The following MDN1 variants were observed in gnomAD, a reference collection of about 807,000 sequenced individuals.
MDN1 encodes the protein midasin AAA ATPase 1, also known as midasin.
In MDN1, 266 loss-of-function variants were observed where a neutral mutation model predicts 669.2. The ratio of observed to expected loss-of-function variants is 0.40; its 90% CI spans 0.36 to 0.44. The LOEUF is 0.44. MDN1 is among the 20% of genes least tolerant of loss of function. The probability of loss-of-function intolerance (pLI) is 1.00; values close to 1 mark genes in which losing one functional copy is unlikely to be tolerated. For synonymous variants in MDN1, 2,385 were observed against 2,457.1 expected (o/e 0.97, Z 0.87); for missense variants, 5,940 against 6,754.0 (o/e 0.88, Z 4.22).
chr6:89,777,959 C>T (rs564338409), intron 11 of MDN1, among the ~76,000 whole-genome samples: 2 of 152,216 alleles, frequency 1.3e-5, no homozygotes, highest in African/African-American at 4.8e-5. Flanking sequence ...TCATTAAGCT[C>T]TCTTGAAGAC....
At chr6:89,686,805 T>C in intron 69 of MDN1, 97 bp downstream of exon 69, 5 of 1,486,166 alleles carry the variant, frequency 3.4e-6, no homozygotes, top group Non-Finnish European at 4.6e-6. Flanking sequence ...GAAAGCCATG[T>C]AGCGGGAGAA....
chr6:89,675,371 G>T, intron 78 of MDN1, 93 bp downstream of exon 78: 1 of 1,027,402 alleles, frequency 9.7e-7, no homozygotes, highest in Non-Finnish European at 1.4e-6. Flanking sequence ...TTGAGAGCAT[G>T]TCTTATTCCT....
chr6:89,737,390 CT>C (rs759195977), intron 33 of MDN1, among the ~76,000 whole-genome samples: 5 of 151,868 alleles, frequency 3.3e-5, no homozygotes, highest in African/African-American at 9.7e-5. Flanking sequence ...AAGCAGATAT[CT>C]TTTTTTTATA....
chr6:89,700,518 A>G (rs1257325663), intron 56 of MDN1, 128 bp downstream of exon 56: 2 of 852,974 alleles, frequency 2.3e-6, no homozygotes, highest in East Asian at 2.6e-5. Context: ...TGACACTTAT[A>G]TAAAGGTATA....
Position 89,780,255 on chromosome 6 carries a change from A to C in MDN1, c.1682T>G (p.Phe561Cys), listed in dbSNP as rs775051988. The C allele has an allele frequency of 6.3e-7, 1 of 1,590,954 alleles. No individual in the cohort carries two copies. The highest frequency in any genetic ancestry group is 8.5e-7 in the Non-Finnish European group (1 of 1,171,124). The change falls in exon 11 of 102, where the codon TTT (phenylalanine) becomes TGT (cysteine). Residue 561 changes from phenylalanine (F) to cysteine (C), a missense_variant. By Grantham distance (205) the Phe-to-Cys change is radical (BLOSUM62 -2). This residue lies in a region of MDN1 where 1,203 missense variants were observed against 1,268.9 expected (regional missense o/e 0.95). Coordinates refer to ENST00000369393, the MANE Select transcript of MDN1 (RefSeq NM_014611.3). ...TGATGCTGATAAAGATGAACTGTCA[A>C]AGCTATGGGCAATCCTATTACACCA... The part of the protein sequence containing the change: ...LNWCNRIAHS[F>C]DSSSLSASLN...
At chr6:89,663,195 A>G (rs1283474254) in intron 85 of MDN1, among the ~76,000 whole-genome samples, 1 of 152,178 alleles carries the variant, frequency 6.6e-6, no homozygotes, top group Admixed American at 6.5e-5. Flanking sequence ...CAGATGGTAA[A>G]AAGAGTAAGG....
At chr6:89,757,677 G>A (rs1247168085) in intron 19 of MDN1, among the ~76,000 whole-genome samples, 2 of 152,174 alleles carry the variant, frequency 1.3e-5, no homozygotes, top group Non-Finnish European at 2.9e-5. Context: ...GTGGGAGGTC[G>A]AGGCAGGCAG....
In MDN1 at chr6:89,793,887, G is replaced by A; in HGVS notation, c.730C>T (p.Leu244Phe). ...TGCAGCTCCTTCTGCTTACGCCAAA[G>A]GGAGACTTCTGGATTGGCCAAAACC... Reference protein sequence around the residue: ...ALVLANPEVSLWRKQKELQYL... With the variant: ...ALVLANPEVSFWRKQKELQYL... Residue 244 changes from leucine (L) to phenylalanine (F), a missense_variant, in exon 5 of 102, where the codon CTT becomes TTT. By Grantham distance (22) the Leu-to-Phe change is conservative. This residue lies in a region of MDN1 where 1,203 missense variants were observed against 1,268.9 expected (regional missense o/e 0.95). Transcript: ENST00000369393. 2 of 1,614,084 alleles carry A rather than the reference G, an allele frequency of 1.2e-6. No homozygotes were observed. The highest frequency in any genetic ancestry group is 1.7e-6 in the Non-Finnish European group (2 of 1,179,948).
chr6:89,799,509 C>A (rs1767492236), intron 2 of MDN1, among the ~76,000 whole-genome samples: 1 of 152,126 alleles, frequency 6.6e-6, no homozygotes, highest in Admixed American at 6.6e-5. Context: ...ATGGTGAAAT[C>A]CCCACCTCTA....
intron 1 of MDN1, among the ~76,000 whole-genome samples, chr6:89,816,295 G>C (rs1316668738): frequency 6.6e-6 from 1 of 152,078 alleles, no homozygotes; most frequent in Non-Finnish European, 1.5e-5. Flanking sequence ...GGCTACTCGA[G>C]AGGCTGAGGC....
At chr6:89,771,832 G>A (rs748645794) in intron 14 of MDN1, among the ~76,000 whole-genome samples, 2 of 151,932 alleles carry the variant, frequency 1.3e-5, no homozygotes, top group South Asian at 2.1e-4. Flanking sequence ...TCAGCCTCTC[G>A]AGCACCTGGG....
At chr6:89,798,199 AAAAG>A (rs1562231459) in intron 2 of MDN1, among the ~76,000 whole-genome samples, 4 of 150,724 alleles carry the variant, frequency 2.7e-5, no homozygotes, top group African/African-American at 9.7e-5. Context: ...AAAAAAAAAA[AAAAG>A]AAAGAAAGTC....
intron 9 of MDN1, among the ~76,000 whole-genome samples, chr6:89,783,527 A>G (rs1042195142): frequency 6.6e-6 from 1 of 151,994 alleles, no homozygotes; most frequent in Admixed American, 6.6e-5. Context: ...TCTTTGTTGG[A>G]CCCTTATCAG....
Position 89,725,321 on chromosome 6 carries a change from C to G in MDN1, c.5548G>C (p.Glu1850Gln), listed in dbSNP as rs1815144431. 6.2e-7 allele frequency: 1 copy of G among 1,614,014 alleles called. No homozygotes were observed. Among genetic ancestry groups the G allele is most frequent in the Non-Finnish European group, 8.5e-7 (1 of 1,179,958 alleles). Reference sequence around the variant, plus strand: ...TGCACTTGAAAGCTCATTCCTAACTCAGGCACATAGATTTCTCCTCGGTGG... The same window carrying G: ...TGCACTTGAAAGCTCATTCCTAACTGAGGCACATAGATTTCTCCTCGGTGG... ...FDHRGEIYVP[E>Q]LGMSFQVQHE... is the part of the protein sequence containing the mutation. Residue 1850 changes from glutamate to glutamine, a missense_variant, in exon 38 of 102, where the codon GAG becomes CAG. By Grantham distance (29) the Glu-to-Gln change is conservative. Around this residue, in one of 5 missense-constraint regions of MDN1, gnomAD observed 2,292 missense variants for 2,638.3 expected, o/e 0.87. Coordinates refer to ENST00000369393, the MANE Select transcript of MDN1 (RefSeq NM_014611.3).
At chr6:89,810,361 G>A (rs1203981798) in intron 1 of MDN1, among the ~76,000 whole-genome samples, 4 of 151,958 alleles carry the variant, frequency 2.6e-5, no homozygotes, top group South Asian at 4.2e-4. Flanking sequence ...GCTTGAACCC[G>A]GGAAGCAGAG....
chr6:89,651,959 A>G (rs562161606), intron 95 of MDN1, among the ~76,000 whole-genome samples: 1 of 152,288 alleles, frequency 6.6e-6, no homozygotes, highest in East Asian at 1.9e-4. Flanking sequence ...AGCAACAGAA[A>G]TTAAAGGAAT....
chr6:89,747,389 A>G lies in MDN1; in HGVS notation c.3844T>C (p.Tyr1282His), dbSNP rs1302364245. The G allele has an allele frequency of 3.7e-6, 6 of 1,614,084 alleles. No individual in the cohort carries two copies. The African/African-American group carries it at 6.7e-5, about 18-fold the overall frequency. The change falls in exon 27 of 102, where the codon TAC becomes CAC. Residue 1282 changes from tyrosine to histidine, a missense_variant. Around this residue, in one of 5 missense-constraint regions of MDN1, gnomAD observed 2,292 missense variants for 2,638.3 expected, o/e 0.87. Coordinates refer to ENST00000369393, the MANE Select transcript of MDN1 (RefSeq NM_014611.3). Reference sequence around the variant, plus strand: ...TTCTCGGTCGGCTCAGCCAATCTGTATCTTTCAGCCCATCGGAACAGATCA... The same window carrying G: ...TTCTCGGTCGGCTCAGCCAATCTGTGTCTTTCAGCCCATCGGAACAGATCA... ...LRDLFRWAER[Y>H]RLAEPTEKEY...
At chr6:89,688,013 G>T in intron 67 of MDN1, 65 bp downstream of exon 67, 1 of 1,329,024 alleles carries the variant, frequency 7.5e-7, no homozygotes, top group Non-Finnish European at 1.1e-6. Flanking sequence ...CAACAAAGGT[G>T]CCACAAGACG....
At chr6:89,783,173 G>C (rs1818770643) in intron 9 of MDN1, among the ~76,000 whole-genome samples, 1 of 152,174 alleles carries the variant, frequency 6.6e-6, no homozygotes, top group African/African-American at 2.4e-5. Flanking sequence ...TTTTCTTCTT[G>C]CAGAGAGAGC....
Sources: allele counts gnomAD v4.1 joint callset (sites outside exome capture counted in the v4.1 genomes callset), GRCh38; gene constraint gnomAD v4.1.1; regional missense constraint gnomAD v4.1.1; transcripts MANE v1.5; gene names NCBI Gene and HGNC (gene_info 2026-07-23, HGNC 2026-07-21).